SUSD6: variants seen among roughly 807,000 people sequenced by gnomAD.
The protein encoded by SUSD6 is sushi domain-containing protein 6.
In SUSD6, 16 loss-of-function variants were observed where a neutral mutation model predicts 28.4. That is an observed-to-expected ratio of 0.56 (90% confidence interval 0.38 to 0.86). The LOEUF is 0.86. Among genes scored for constraint, SUSD6 ranks in the 40% least tolerant of loss-of-function variants. The pLI is 0.00. For synonymous variants in SUSD6, 147 were observed against 159.6 expected, an observed-to-expected ratio of 0.92 and a Z score of 0.59; for missense variants, 341 against 384.2, an observed-to-expected ratio of 0.89 and a Z score of 0.94.
Position 69,708,665 on chromosome 14 carries a change from C to A in SUSD6, c.459-12C>A. On this transcript the variant is annotated splice_polypyrimidine_tract_variant and intron_variant, in intron 4 of 5. Transcript: ENST00000342745. The stretch of plus-strand genomic sequence containing the variant: ...TCTAATTCATCCTTTGTCTTTTCCT[C>A]CTCCACTCCAGGCGTGACCAGGGGG... The A allele has an allele frequency of 1.3e-6, 2 of 1,528,634 alleles. No individual in the cohort carries two copies. Among genetic ancestry groups the A allele is most frequent in the Non-Finnish European group, 1.8e-6 (2 of 1,136,822 alleles). The allele number at this position is 1,528,634 out of a possible 1,614,324, so 94.7% of individuals were successfully genotyped here.
intron 1 of SUSD6, among the ~76,000 whole-genome samples, chr14:69,642,781 G>A (rs1340949973): frequency 6.6e-6 from 1 of 151,946 alleles, no homozygotes; most frequent in African/African-American, 2.4e-5. Flanking sequence ...TGAGTTCTAG[G>A]GGTTGTGCCA....
At chr14:69,612,266 G>A (rs1884889101) in intron 1 of SUSD6, among the ~76,000 whole-genome samples, 1 of 152,180 alleles carries the variant, frequency 6.6e-6, no homozygotes, top group African/African-American at 2.4e-5. Context: ...CGGGGCTTGC[G>A]CTGGGGCAGG....
rs966599643 is a variant in SUSD6 at position 69,658,536 on chromosome 14, T to C, written c.-57T>C. On this transcript the variant is annotated 5_prime_UTR_variant, in exon 2 of 6. Transcript: ENST00000342745. Reference sequence around the variant, plus strand: ...AGGTGAATCAGCTCCCGGCCGACTTTAGGATTCTTCTGGATTTTAAATTTT... The same window carrying C: ...AGGTGAATCAGCTCCCGGCCGACTTCAGGATTCTTCTGGATTTTAAATTTT... 1 of 1,596,978 alleles carries C rather than the reference T, an allele frequency of 6.3e-7. No individual in the cohort carries two copies. The highest frequency in any genetic ancestry group is 8.6e-7 in the Non-Finnish European group (1 of 1,167,668).
chr14:69,640,897 A>G (rs530237130), intron 1 of SUSD6, among the ~76,000 whole-genome samples: 3 of 152,368 alleles, frequency 2.0e-5, no homozygotes, highest in African/African-American at 2.4e-5. Context: ...GATATAAAAC[A>G]TGGGTAAATG....
intron 1 of SUSD6, among the ~76,000 whole-genome samples, chr14:69,627,470 T>G (rs895833724): frequency 2.0e-5 from 3 of 152,114 alleles, no homozygotes; most frequent in Non-Finnish European, 4.4e-5. Context: ...AAACAGATGT[T>G]ATTTATTTAT....
rs1007023837 is a variant in SUSD6, at chr14:69,714,534, C to G, written c.*3555C>G. 6.6e-6 allele frequency: 1 copy of G among 152,216 alleles called. No individual in the cohort carries two copies. Among genetic ancestry groups the G allele is most frequent in the Non-Finnish European group, 1.5e-5 (1 of 68,058 alleles). 9.4% of individuals were successfully genotyped at this position (152,216 alleles called of 1,614,324 possible). On this transcript the variant is annotated 3_prime_UTR_variant, in exon 6 of 6. Transcript: ENST00000342745. ...AGTGAGGCTGGGAGCTTCTCTTGGG[C>G]CTGCTGGGTCTGTCAGCTCTCGGAA...
At chr14:69,663,984 T>C (rs1171904871) in intron 2 of SUSD6, among the ~76,000 whole-genome samples, 1 of 151,906 alleles carries the variant, frequency 6.6e-6, no homozygotes, top group African/African-American at 2.4e-5. Context: ...TTTCTTTTTT[T>C]TTTTTTTTAT....
At chr14:69,685,071 C>T (rs1886052571) in intron 2 of SUSD6, among the ~76,000 whole-genome samples, 1 of 152,194 alleles carries the variant, frequency 6.6e-6, no homozygotes, top group South Asian at 2.1e-4. Context: ...GAAATTTTCA[C>T]ATTTTTCTCT....
chr14:69,700,767 A>G (rs1482442103), intron 2 of SUSD6, among the ~76,000 whole-genome samples: 1 of 152,216 alleles, frequency 6.6e-6, no homozygotes, highest in East Asian at 1.9e-4. Context: ...TTGTATATAG[A>G]GTATCTTTGG....
At chr14:69,662,607 C>T (rs1006497038) in intron 2 of SUSD6, among the ~76,000 whole-genome samples, 2 of 152,140 alleles carry the variant, frequency 1.3e-5, no homozygotes, top group Non-Finnish European at 2.9e-5. Context: ...ATTCTTCACA[C>T]CTAGTCACAC....
chr14:69,634,897 T>G (rs1885242066), intron 1 of SUSD6, among the ~76,000 whole-genome samples: 1 of 152,238 alleles, frequency 6.6e-6, no homozygotes, highest in Non-Finnish European at 1.5e-5. Context: ...TTTTGAAAAG[T>G]AATAAATATA....
chr14:69,678,028 A>G (rs1485899735), intron 2 of SUSD6, among the ~76,000 whole-genome samples: 4 of 152,208 alleles, frequency 2.6e-5, no homozygotes, highest in African/African-American at 7.2e-5. Flanking sequence ...GTTGATGTGC[A>G]TCATTCCAAC....
intron 1 of SUSD6, among the ~76,000 whole-genome samples, chr14:69,648,807 G>A (rs1006310593): frequency 6.6e-6 from 1 of 152,178 alleles, no homozygotes; most frequent in African/African-American, 2.4e-5. Flanking sequence ...TTTGAGTGAA[G>A]GTATATAGAC....
At chr14:69,645,534 G>A (rs1885413528) in intron 1 of SUSD6, among the ~76,000 whole-genome samples, 1 of 152,230 alleles carries the variant, frequency 6.6e-6, no homozygotes, top group South Asian at 2.1e-4. Context: ...AACACAGAGT[G>A]TGGAAGTGTT....
intron 2 of SUSD6, among the ~76,000 whole-genome samples, chr14:69,676,627 T>C (rs570673352): frequency 6.6e-6 from 1 of 152,330 alleles, no homozygotes; most frequent in East Asian, 1.9e-4. Context: ...ACTCTTAGGC[T>C]CAAGCAGTCC....
intron 2 of SUSD6, among the ~76,000 whole-genome samples, chr14:69,701,705 G>T (rs528734091): frequency 2.6e-5 from 4 of 152,118 alleles, no homozygotes; most frequent in Non-Finnish European, 5.9e-5. Flanking sequence ...AGGGGACTTG[G>T]GGGGAGCTTA....
intron 1 of SUSD6, among the ~76,000 whole-genome samples, chr14:69,645,877 G>C (rs1885419048): frequency 6.6e-6 from 1 of 151,972 alleles, no homozygotes; most frequent in African/African-American, 2.4e-5. Flanking sequence ...AGCCTTCCAA[G>C]TAGCTGGGAC....
At chr14:69,672,058 C>T (rs1885841045) in intron 2 of SUSD6, among the ~76,000 whole-genome samples, 1 of 152,166 alleles carries the variant, frequency 6.6e-6, no homozygotes, top group Admixed American at 6.5e-5. Context: ...TTTCAGTCAG[C>T]ATCTCTTTTC....
chr14:69,642,775 T>C (rs985469314), intron 1 of SUSD6, among the ~76,000 whole-genome samples: 1 of 151,596 alleles, frequency 6.6e-6, no homozygotes, highest in Non-Finnish European at 1.5e-5. Context: ...TCTGAGTGAG[T>C]TCTAGGGGTT....
Sources: allele counts gnomAD v4.1 joint callset (sites outside exome capture counted in the v4.1 genomes callset), GRCh38; gene constraint gnomAD v4.1.1; transcripts MANE v1.5; gene names NCBI Gene and HGNC (gene_info 2026-07-23, HGNC 2026-07-21).